CRADD: variants seen among roughly 807,000 people sequenced by gnomAD.
CRADD encodes death domain-containing protein CRADD.
Under a neutral mutation model 15.5 loss-of-function variants are expected in CRADD, and 9 were observed. The ratio of observed to expected loss-of-function variants is 0.58; its 90% CI spans 0.35 to 1.01. The LOEUF (loss-of-function observed/expected upper bound fraction) is 1.01. Ranked by LOEUF, CRADD falls within the 50% of genes least tolerant of loss-of-function variation. The pLI, the probability that CRADD is intolerant of heterozygous loss-of-function variation, is 0.02. For synonymous variants in CRADD, 118 were observed against 107.6 expected (o/e 1.10, Z -0.60); for missense variants, 227 against 250.3 (o/e 0.91, Z 0.63).
intron 2 of CRADD, among the ~76,000 whole-genome samples, chr12:93,799,989 T>C (rs1957459488): frequency 6.6e-6 from 1 of 152,206 alleles, no homozygotes; most frequent in Non-Finnish European, 1.5e-5. Flanking sequence ...TGGGATACAC[T>C]GTATTAGGGT....
rs145487489 is a variant in CRADD at position 93,685,518 on chromosome 12, A to C, written c.298+6446A>C. Among the ~76,000 whole-genome samples, 28 of 152,358 alleles carry C rather than the reference A, an allele frequency of 1.8e-4. No individual in the cohort carries two copies. The East Asian group carries it at 5.0e-3, about 27-fold the overall frequency. On this transcript the variant is annotated intron_variant, in intron 2 of 2. Coordinates refer to ENST00000332896, the MANE Select transcript of CRADD (RefSeq NM_003805.5). Reference sequence around the variant, plus strand: ...TATTTGATCATTACACATTGTATGCATGTATTGAAATGTTACCCTGTATCC... The same window carrying C: ...TATTTGATCATTACACATTGTATGCCTGTATTGAAATGTTACCCTGTATCC...
At position 93,753,767 on chromosome 12, in the gene CRADD, C is replaced by T. The variant is rs143023426; in HGVS notation, c.298+74695C>T. 4.3e-3 allele frequency among the ~76,000 whole-genome samples: 652 copies of T among 152,348 alleles called. 5 individuals carry two copies. Among genetic ancestry groups the T allele is most frequent in the African/African-American group, 0.015 (606 of 41,572 alleles). ...CTCCCACAACTTTGGGCAGCTCTGC[C>T]TCTGTGGCTTTGCAGGGTATAGCCC... On this transcript the variant is annotated intron_variant, in intron 2 of 2. Transcript: ENST00000332896.
chr12:93,893,944 C>T (rs571640082), intron 2 of CRADD: 26 of 679,396 alleles, frequency 3.8e-5, no homozygotes, highest in Admixed American at 1.1e-4. Flanking sequence ...TCTATTCCTA[C>T]GTTGTTTGAC....
chr12:93,687,078 C>T (rs552886560), intron 2 of CRADD, among the ~76,000 whole-genome samples: 75 of 152,078 alleles, frequency 4.9e-4, no homozygotes, highest in African/African-American at 1.8e-3. Flanking sequence ...TTTTTTTCTT[C>T]CTACCTCTGC....
At chr12:93,766,138 G>A (rs976262689) in intron 2 of CRADD, among the ~76,000 whole-genome samples, 3 of 152,180 alleles carry the variant, frequency 2.0e-5, no homozygotes, top group Admixed American at 2.0e-4. Flanking sequence ...CAAAACGCCT[G>A]CCTGTTCTAC....
At chr12:93,802,931 A>G (rs540468116) in intron 2 of CRADD, among the ~76,000 whole-genome samples, 66 of 152,282 alleles carry the variant, frequency 4.3e-4, no homozygotes, top group Admixed American at 7.2e-4. Context: ...AGAGCAAGGA[A>G]GGGAGAGGAG....
At chr12:93,733,301 A>G (rs912720963) in intron 2 of CRADD, among the ~76,000 whole-genome samples, 1 of 152,262 alleles carries the variant, frequency 6.6e-6, no homozygotes, top group African/African-American at 2.4e-5. Context: ...TTATATAAAA[A>G]TGTATTCTAA....
chr12:93,891,911 T>C (rs145204800), intron 2 of CRADD, among the ~76,000 whole-genome samples: 2 of 152,342 alleles, frequency 1.3e-5, no homozygotes, highest in Non-Finnish European at 2.9e-5. Context: ...TTTTACCCAC[T>C]ACTGTAATTA....
chr12:93,700,039 A>C (rs1468848934), intron 2 of CRADD, among the ~76,000 whole-genome samples: 1 of 152,182 alleles, frequency 6.6e-6, no homozygotes, highest in East Asian at 1.9e-4. Flanking sequence ...GTTTTATGGA[A>C]GGTAGAGTCA....
chr12:93,744,768 G>C (rs1956727259), intron 2 of CRADD, among the ~76,000 whole-genome samples: 1 of 151,950 alleles, frequency 6.6e-6, no homozygotes, highest in Non-Finnish European at 1.5e-5. Flanking sequence ...TAATTCTAGA[G>C]GTTTAATAAA....
intron 2 of CRADD, among the ~76,000 whole-genome samples, chr12:93,740,469 G>C (rs1264134238): frequency 3.3e-5 from 5 of 151,994 alleles, no homozygotes; most frequent in African/African-American, 4.8e-5. Context: ...TTTGGGGGAG[G>C]ATTGTCAGAT....
intron 2 of CRADD, among the ~76,000 whole-genome samples, chr12:93,759,235 G>A (rs772146102): frequency 6.6e-5 from 10 of 152,110 alleles, no homozygotes; most frequent in Non-Finnish European, 1.2e-4. Flanking sequence ...TCTTGCCTTG[G>A]AGGTAGCGAT....
At chr12:93,794,711 C>T (rs11107187) in intron 2 of CRADD, among the ~76,000 whole-genome samples, 11,207 of 152,208 alleles carry the variant, frequency 0.074, 456 homozygotes, top group East Asian at 0.16. Context: ...AACTGAAGTG[C>T]CACTCCCCCA....
At chr12:93,786,850 C>T (rs539714452) in intron 2 of CRADD, among the ~76,000 whole-genome samples, 44 of 152,220 alleles carry the variant, frequency 2.9e-4, no homozygotes, top group African/African-American at 9.1e-4. Flanking sequence ...ACTTTATTCC[C>T]ATAGAAAATC....
intron 2 of CRADD, chr12:93,735,529 A>C (rs1010527109): frequency 2.6e-5 from 4 of 152,220 alleles, no homozygotes; most frequent in Non-Finnish European, 5.9e-5. Flanking sequence ...GTAGCTGTGG[A>C]ATAAATGTTG....
intron 2 of CRADD, among the ~76,000 whole-genome samples, chr12:93,772,237 T>C (rs1957092107): frequency 6.6e-6 from 1 of 152,226 alleles, no homozygotes; most frequent in African/African-American, 2.4e-5. Flanking sequence ...ATATTGACAG[T>C]CTTTATGAGC....
intron 2 of CRADD, among the ~76,000 whole-genome samples, chr12:93,750,619 C>G (rs1848622891): frequency 6.6e-6 from 1 of 151,538 alleles, no homozygotes; most frequent in Admixed American, 6.6e-5. Context: ...TTTCTAAAAC[C>G]GACTATATGT....
chr12:93,693,323 C>T (rs943332608), intron 2 of CRADD, among the ~76,000 whole-genome samples: 2 of 152,034 alleles, frequency 1.3e-5, no homozygotes, highest in African/African-American at 4.8e-5. Context: ...AAGCACAAGA[C>T]CCAACTATAT....
At chr12:93,707,146 G>A (rs1955968560) in intron 2 of CRADD, among the ~76,000 whole-genome samples, 1 of 152,164 alleles carries the variant, frequency 6.6e-6, no homozygotes, top group African/African-American at 2.4e-5. Flanking sequence ...ATTGAACCTT[G>A]GTTAAACCTC....
Sources: gnomAD v4.1 joint callset for allele counts (sites outside exome capture counted in the v4.1 genomes callset) on GRCh38, gnomAD v4.1.1 for gene constraint, MANE v1.5 for transcripts, NCBI Gene and HGNC (gene_info 2026-07-23, HGNC 2026-07-21) for gene names.